STK24: variants seen among roughly 807,000 people sequenced by gnomAD.
STK24 encodes the protein serine/threonine kinase 24.
STK24 carries 21 observed loss-of-function variants against 55.6 expected under a neutral mutation model. The observed-to-expected ratio is 0.38, with a 90% CI of 0.27 to 0.54. The LOEUF is 0.54. STK24 is among the 20% of genes least tolerant of loss of function. The probability of loss-of-function intolerance (pLI) is 0.79; values close to 1 mark genes in which losing one functional copy is unlikely to be tolerated. For missense variants in STK24, 383 were observed against 538.4 expected, an observed-to-expected ratio of 0.71 and a Z score of 2.86; for synonymous variants, 200 against 215.2, an observed-to-expected ratio of 0.93 and a Z score of 0.62.
intron 2 of STK24, among the ~76,000 whole-genome samples, chr13:98,506,930 G>A (rs1021573116): frequency 9.9e-5 from 15 of 152,186 alleles, no homozygotes; most frequent in African/African-American, 3.4e-4. Context: ...CCGCAGGCCC[G>A]TCTTGCTAAT....
chr13:98,470,909 T>C (rs1223685524), intron 5 of STK24, among the ~76,000 whole-genome samples: 2 of 152,156 alleles, frequency 1.3e-5, no homozygotes, highest in African/African-American at 2.4e-5. Flanking sequence ...CAAAACAAAA[T>C]CTCATTTGAT....
At chr13:98,472,717 A>G (rs1215422428) in intron 5 of STK24, among the ~76,000 whole-genome samples, 1 of 152,082 alleles carries the variant, frequency 6.6e-6, no homozygotes, top group Non-Finnish European at 1.5e-5. Flanking sequence ...GACATATGTA[A>G]TCATCTCTAT....
intron 10 of STK24, chr13:98,456,945 T>TA (rs1421638752): frequency 4.9e-6 from 3 of 608,542 alleles, no homozygotes; most frequent in Admixed American, 6.2e-5. Context: ...ACAAATGCAC[T>TA]AAGTCCTGTG....
chr13:98,537,120 A>G (rs890742489), intron 1 of STK24, among the ~76,000 whole-genome samples: 6 of 152,168 alleles, frequency 3.9e-5, no homozygotes, highest in Non-Finnish European at 7.3e-5. Context: ...TCCTCAAGCC[A>G]GCGTTCTTCA....
At chr13:98,552,757 G>A (rs148847618) in intron 1 of STK24, among the ~76,000 whole-genome samples, 104 of 152,196 alleles carry the variant, frequency 6.8e-4, no homozygotes, top group African/African-American at 2.1e-3. Flanking sequence ...GTCAGAAACC[G>A]AAGACGCCAA....
At chr13:98,503,040 T>TC (rs1895545758) in intron 2 of STK24, among the ~76,000 whole-genome samples, 1 of 150,340 alleles carries the variant, frequency 6.7e-6, no homozygotes, top group Non-Finnish European at 1.5e-5. Flanking sequence ...TTTTTTTTTT[T>TC]TCAGTATGGT....
At chr13:98,561,535 T>A (rs141240881) in intron 1 of STK24, among the ~76,000 whole-genome samples, 3 of 142,868 alleles carry the variant, frequency 2.1e-5, no homozygotes, top group African/African-American at 7.3e-5. Context: ...TGAGCGAAGA[T>A]CACGTCACTG....
intron 2 of STK24, among the ~76,000 whole-genome samples, chr13:98,506,670 C>T (rs9513433): frequency 0.84 from 127,861 of 152,214 alleles, 54,215 homozygotes; most frequent in Non-Finnish European, 0.91. Context: ...AAGTGGGGCA[C>T]AGCTACCGGC....
intron 2 of STK24, among the ~76,000 whole-genome samples, chr13:98,490,732 G>C (rs2043935485): frequency 6.6e-6 from 1 of 151,864 alleles, no homozygotes; most frequent in Non-Finnish European, 1.5e-5. Context: ...TGGAAGGAAG[G>C]CCTCATCCTC....
intron 2 of STK24, among the ~76,000 whole-genome samples, chr13:98,486,357 G>A (rs1249839746): frequency 2.6e-5 from 4 of 152,136 alleles, no homozygotes; most frequent in South Asian, 2.1e-4. Flanking sequence ...GCCAGAAGAG[G>A]GCCCTGAAAT....
At chr13:98,569,713 C>G (rs147086465) in intron 1 of STK24, among the ~76,000 whole-genome samples, 91 of 152,044 alleles carry the variant, frequency 6.0e-4, no homozygotes, top group African/African-American at 2.1e-3. Context: ...ATGTACACAC[C>G]GCATTCTGAC....
chr13:98,474,418 G>A (rs547143212), intron 5 of STK24, among the ~76,000 whole-genome samples: 1 of 152,202 alleles, frequency 6.6e-6, no homozygotes, highest in South Asian at 2.1e-4. Context: ...GCCCCTTCAA[G>A]GTTGCCGATT....
At position 98,451,563 on chromosome 13, in the gene STK24, T is replaced by C. The variant is rs1405411127; in HGVS notation, c.*1610A>G. On this transcript the variant is annotated 3_prime_UTR_variant, in exon 11 of 11. Coordinates refer to ENST00000539966, the MANE Select transcript of STK24 (RefSeq NM_001032296.4). The stretch of plus-strand genomic sequence containing the variant: ...CGACACAATAACCCACTCAAGCATC[T>C]GTAGCTCAGGGCTCTGTCCCCTCCC... The C allele has an allele frequency of 6.6e-6, 1 of 152,136 alleles. No individual in the cohort carries two copies. Among genetic ancestry groups the C allele is most frequent in the Non-Finnish European group, 1.5e-5 (1 of 68,034 alleles). The allele number at this position is 152,136 out of a possible 1,614,324, so 9.4% of individuals were successfully genotyped here.
chr13:98,502,931 G>C (rs1895531757), intron 2 of STK24, among the ~76,000 whole-genome samples: 1 of 151,508 alleles, frequency 6.6e-6, no homozygotes, highest in South Asian at 2.1e-4. Flanking sequence ...ACACCTGAGA[G>C]GACTACTACC....
Position 98,450,457 on chromosome 13 carries a change from A to AGAT in STK24, c.*2713_*2715dup, listed in dbSNP as rs1463337430. 6.6e-6 allele frequency: 1 copy of AGAT among 152,302 alleles called. No individual in the cohort carries two copies. The highest frequency in any genetic ancestry group is 1.9e-4 in the East Asian group (1 of 5,202). 9.4% of individuals were successfully genotyped at this position (152,302 alleles called of 1,614,324 possible). On this transcript the variant is annotated 3_prime_UTR_variant, in exon 11 of 11. Coordinates refer to ENST00000539966, the MANE Select transcript of STK24 (RefSeq NM_001032296.4). ...GATAAAACTATTGGATAAGGAAGGCAGATGCACTTCCAAGAAAATCAGAAC... is the reference window on the plus strand; with the variant it reads ...GATAAAACTATTGGATAAGGAAGGCAGATGATGCACTTCCAAGAAAATCAGAAC...
chr13:98,490,780 A>G (rs1894995228), intron 2 of STK24, among the ~76,000 whole-genome samples: 1 of 151,800 alleles, frequency 6.6e-6, no homozygotes, highest in Non-Finnish European at 1.5e-5. Context: ...ACTTAGGCAC[A>G]CAGCAGCTCA....
intron 1 of STK24, among the ~76,000 whole-genome samples, chr13:98,574,335 G>A (rs1370152626): frequency 6.6e-6 from 1 of 152,176 alleles, no homozygotes; most frequent in Non-Finnish European, 1.5e-5. Flanking sequence ...CTGGTCAGGA[G>A]ACAAGAAAAA....
chr13:98,463,961 C>A, intron 6 of STK24, 125 bp from the exon 7 acceptor site: 4 of 1,123,476 alleles, frequency 3.6e-6, no homozygotes, highest in Non-Finnish European at 5.1e-6. Context: ...CTCTACTCCA[C>A]AGCGCTTCTC....
At chr13:98,560,450 T>G (rs1282659745) in intron 1 of STK24, among the ~76,000 whole-genome samples, 2 of 152,214 alleles carry the variant, frequency 1.3e-5, no homozygotes, top group Non-Finnish European at 2.9e-5. Context: ...TATTGGCACT[T>G]ATCCTGCAAA....
Sources: allele counts gnomAD v4.1 joint callset (sites outside exome capture counted in the v4.1 genomes callset), GRCh38; gene constraint gnomAD v4.1.1; transcripts MANE v1.5; gene names NCBI Gene and HGNC (gene_info 2026-07-23, HGNC 2026-07-21).